PXDNL: variants seen among roughly 807,000 people sequenced by gnomAD.
The protein encoded by PXDNL is peroxidasin like, also known as probable oxidoreductase PXDNL.
A neutral mutation model predicts 150.8 loss-of-function variants in PXDNL; 145 were observed. The observed-to-expected ratio is 0.96, with a 90% confidence interval of 0.84 to 1.10. The LOEUF is 1.10. Ranked by LOEUF, PXDNL falls within the 50% of genes least tolerant of loss-of-function variation. The pLI is 0.00. For synonymous variants in PXDNL, 757 were observed against 725.7 expected, an observed-to-expected ratio of 1.04 and a Z score of -0.69; for missense variants, 2,087 against 1,873.9, an observed-to-expected ratio of 1.11 and a Z score of -2.10.
At chr8:51,608,665 G>A (rs567678058) in intron 2 of PXDNL, among the ~76,000 whole-genome samples, 7 of 148,778 alleles carry the variant, frequency 4.7e-5, no homozygotes, top group Non-Finnish European at 8.9e-5. Context: ...GTGAAACCCC[G>A]TCTTTACTAA....
chr8:51,762,470 GCTAT>G (rs1339102029), intron 1 of PXDNL, among the ~76,000 whole-genome samples: 3 of 152,128 alleles, frequency 2.0e-5, no homozygotes, highest in African/African-American at 7.2e-5. Flanking sequence ...TCTGAAGTCT[GCTAT>G]CTGAGAGCTT....
intron 19 of PXDNL, among the ~76,000 whole-genome samples, chr8:51,359,259 CT>C (rs1411350362): frequency 6.6e-6 from 1 of 151,780 alleles, no homozygotes. Context: ...AAAAGAACAT[CT>C]GTTTAAAATA....
rs1563304265 is a variant in PXDNL at position 51,735,534 on chromosome 8, T to TGTTG, written c.164+73646_164+73647insCAAC. On this transcript the variant is annotated intron_variant, in intron 1 of 22. Coordinates refer to ENST00000356297, the MANE Select transcript of PXDNL (RefSeq NM_144651.5). ...TTAATTAATTAAAAATTGTTTTTTT[T>TGTTG]TTTTTTTTTTTTTTTTTTTTTTTTT... Among the ~76,000 whole-genome samples the TGTTG allele has an allele frequency of 4.3e-5, 2 of 46,194 alleles. 1 individual carries two copies. Among genetic ancestry groups the TGTTG allele is most frequent in the African/African-American group, 5.7e-4 (2 of 3,530 alleles). The allele number at this position is 46,194 out of a possible 152,430, so 30.3% of individuals were successfully genotyped here.
intron 1 of PXDNL, among the ~76,000 whole-genome samples, chr8:51,714,375 A>G (rs1238797319): frequency 2.6e-5 from 4 of 152,232 alleles, no homozygotes; most frequent in Admixed American, 2.0e-4. Context: ...ACTGAGGAAT[A>G]GCATTCTATT....
intron 1 of PXDNL, among the ~76,000 whole-genome samples, chr8:51,736,845 G>C (rs1396453081): frequency 6.6e-6 from 1 of 152,152 alleles, no homozygotes; most frequent in Non-Finnish European, 1.5e-5. Flanking sequence ...TGGAAAGCAA[G>C]AGTCTTAAAA....
chr8:51,494,918 C>A (rs1246108873), intron 5 of PXDNL, among the ~76,000 whole-genome samples: 6 of 152,060 alleles, frequency 3.9e-5, no homozygotes, highest in African/African-American at 4.8e-5. Flanking sequence ...CTCGGCTCTG[C>A]ACCAAGCAGA....
intron 1 of PXDNL, among the ~76,000 whole-genome samples, chr8:51,723,818 G>A (rs1368968816): frequency 6.6e-6 from 1 of 152,156 alleles, no homozygotes; most frequent in Non-Finnish European, 1.5e-5. Context: ...TGCCTTTATA[G>A]AAAGTTTACT....
At chr8:51,686,468 T>C (rs1156914269) in intron 1 of PXDNL, among the ~76,000 whole-genome samples, 1 of 152,172 alleles carries the variant, frequency 6.6e-6, no homozygotes, top group Non-Finnish European at 1.5e-5. Context: ...CTCCTCCTGT[T>C]CCCCAATCGG....
intron 3 of PXDNL, among the ~76,000 whole-genome samples, chr8:51,581,237 A>T (rs1287007960): frequency 6.6e-6 from 1 of 152,130 alleles, no homozygotes; most frequent in Admixed American, 6.5e-5. Flanking sequence ...TCATAAAAGC[A>T]TATGCTTGGG....
At chr8:51,483,472 T>G (rs955381149) in intron 6 of PXDNL, among the ~76,000 whole-genome samples, 171 bp downstream of exon 6, 10 of 152,248 alleles carry the variant, frequency 6.6e-5, no homozygotes, top group Non-Finnish European at 1.5e-4. Flanking sequence ...CCCAGAAGAC[T>G]ATCTGGGTTC....
chr8:51,584,896 T>C (rs535437331), intron 3 of PXDNL, among the ~76,000 whole-genome samples: 2 of 152,092 alleles, frequency 1.3e-5, no homozygotes, highest in South Asian at 4.1e-4. Flanking sequence ...AGGGAAAGAT[T>C]TGGACAAAGA....
chr8:51,379,707 G>A (rs1181195495), intron 17 of PXDNL, among the ~76,000 whole-genome samples: 1 of 151,876 alleles, frequency 6.6e-6, no homozygotes. Context: ...ACAATTTTGT[G>A]TACCTTACTA....
At chr8:51,413,339 T>A in intron 14 of PXDNL, 81 bp from the exon 15 acceptor site, 1 of 792,640 alleles carries the variant, frequency 1.3e-6, no homozygotes, top group East Asian at 2.5e-5. Context: ...GCATTACATT[T>A]TTAAATGTAA....
rs372852952 is a variant in PXDNL, at chr8:51,809,247, C to G, written c.98G>C (p.Ser33Thr). The G allele has an allele frequency of 1.9e-6, 3 of 1,611,914 alleles. No homozygotes were observed. In the African/African-American group the frequency reaches 4.0e-5, roughly 22 times the overall value. The change falls in exon 1 of 23, where the codon AGC (serine) becomes ACC (threonine). Residue 33 changes from serine to threonine, a missense_variant. Ser to Thr is a moderately conservative substitution (Grantham distance 58, BLOSUM62 1). Transcript: ENST00000356297. ...CATCAAGTGCATGCAGCGGACGGTGCTCTTAAAGCAAAGGCACCGGCTGGG... is the reference window on the plus strand; with the variant it reads ...CATCAAGTGCATGCAGCGGACGGTGGTCTTAAAGCAAAGGCACCGGCTGGG... ...PCPSRCLCFK[S>T]TVRCMHLMLD... is the part of the protein sequence containing the mutation.
chr8:51,642,981 A>G (rs1585642934), intron 2 of PXDNL, among the ~76,000 whole-genome samples: 1 of 152,220 alleles, frequency 6.6e-6, no homozygotes, highest in African/African-American at 2.4e-5. Context: ...AATCCAACTT[A>G]CAAGGGATGT....
In PXDNL at chr8:51,674,994, T is replaced by C. The variant is rs187824785; in HGVS notation, c.165-20234A>G. 1.0e-3 allele frequency among the ~76,000 whole-genome samples: 154 copies of C among 152,306 alleles called. 1 individual carries two copies. Among genetic ancestry groups the C allele is most frequent in the African/African-American group, 3.5e-3 (144 of 41,550 alleles). ...GGCCTTCTCTAGTAGAAATGGTCCA[T>C]GAGTCCTTGGGAAACTGAGAACTAA... is the stretch of plus-strand genomic sequence containing the variant. On this transcript the variant is annotated intron_variant, in intron 1 of 22. Transcript: ENST00000356297.
chr8:51,703,100 C>T (rs988188968), intron 1 of PXDNL, among the ~76,000 whole-genome samples: 30 of 152,094 alleles, frequency 2.0e-4, no homozygotes, highest in African/African-American at 7.2e-4. Context: ...GCATACAGTA[C>T]CAGGTATACT....
chr8:51,760,141 G>A lies in PXDNL; in HGVS notation c.164+49040C>T, dbSNP rs10106132. 1.2e-4 allele frequency among the ~76,000 whole-genome samples: 19 copies of A among 152,264 alleles called. No individual in the cohort carries two copies. In the East Asian group the frequency reaches 3.5e-3, roughly 28 times the overall value. Reference sequence around the variant, plus strand: ...CTCGGAAGTCCATCAAAAACTGATTGTCTGTCAAGACTAATTTGGAAATCT... The same window carrying A: ...CTCGGAAGTCCATCAAAAACTGATTATCTGTCAAGACTAATTTGGAAATCT... On this transcript the variant is annotated intron_variant, in intron 1 of 22. Coordinates refer to ENST00000356297, the MANE Select transcript of PXDNL (RefSeq NM_144651.5).
At chr8:51,715,732 A>G (rs1356888110) in intron 1 of PXDNL, among the ~76,000 whole-genome samples, 2 of 152,166 alleles carry the variant, frequency 1.3e-5, no homozygotes, top group South Asian at 2.1e-4. Context: ...TGTCAAGTTA[A>G]TGGTGCGGAG....
Sources: allele counts gnomAD v4.1 joint callset (sites outside exome capture counted in the v4.1 genomes callset), GRCh38; gene constraint gnomAD v4.1.1; transcripts MANE v1.5; gene names NCBI Gene and HGNC (gene_info 2026-07-23, HGNC 2026-07-21).